Variants in MTA3 observed in about 807,000 individuals in gnomAD.
The protein encoded by MTA3 is metastasis associated 1 family member 3.
Under a neutral mutation model 83.5 loss-of-function variants are expected in MTA3, and 34 were observed. The observed-to-expected ratio is 0.41, with a 90% CI of 0.31 to 0.54. MTA3 has a LOEUF of 0.54. Ranked by LOEUF, MTA3 falls within the 20% of genes least tolerant of loss-of-function variation. The probability of loss-of-function intolerance (pLI) is 0.33; values close to 1 mark genes in which losing one functional copy is unlikely to be tolerated. For synonymous variants in MTA3, 303 were observed against 252.7 expected, an observed-to-expected ratio of 1.20 and a Z score of -1.89; for missense variants, 761 against 726.4, an observed-to-expected ratio of 1.05 and a Z score of -0.55.
intron 3 of MTA3, among the ~76,000 whole-genome samples, chr2:42,604,042 C>G (rs548453744): frequency 1.3e-5 from 2 of 152,184 alleles, no homozygotes; most frequent in African/African-American, 4.8e-5. Context: ...AGCCACCGCA[C>G]CCAGCTCTTT....
intron 3 of MTA3, among the ~76,000 whole-genome samples, chr2:42,604,574 C>T (rs11309136): frequency 0.13 from 2,010 of 14,972 alleles, 60 homozygotes; most frequent in Middle Eastern, 0.29. Context: ...TGTTTCTTTT[C>T]TTTTTTTTTT....
intron 3 of MTA3, among the ~76,000 whole-genome samples, chr2:42,602,411 A>T (rs552706306): frequency 6.6e-6 from 1 of 152,308 alleles, no homozygotes; most frequent in South Asian, 2.1e-4. Context: ...GTAATTACCT[A>T]GGAGAAACAT....
intron 8 of MTA3, among the ~76,000 whole-genome samples, chr2:42,668,336 A>C (rs1247549587): frequency 6.6e-6 from 1 of 152,172 alleles, no homozygotes; most frequent in Non-Finnish European, 1.5e-5. Context: ...AATGTTTGCA[A>C]ACATTGGGCC....
rs775483251 is a variant in MTA3, at chr2:42,704,197, C to T, written c.1029C>T (p.Ser343=). Residue 343 remains serine (S), a synonymous_variant, in exon 12 of 17, where the codon AGC becomes AGT. Coordinates refer to ENST00000405094, the MANE Select transcript of MTA3 (RefSeq NM_001330442.2). The stretch of plus-strand genomic sequence containing the variant: ...CTTATTTTAATTTCATTGAAAGCAG[C>T]AAACCAAATCCCAACCAAATATCCA... ...KLKQVYIPTY[S]KPNPNQISTS... 3.7e-6 allele frequency: 6 copies of T among 1,613,620 alleles called. No individual in the cohort carries two copies. Among genetic ancestry groups the T allele is most frequent in the Non-Finnish European group, 5.1e-6 (6 of 1,179,690 alleles).
intron 2 of MTA3, among the ~76,000 whole-genome samples, chr2:42,562,516 C>T (rs544596346): frequency 5.9e-5 from 9 of 152,240 alleles, no homozygotes; most frequent in Admixed American, 2.0e-4. Context: ...TCTAGCTAGT[C>T]CTAGTGAGAT....
At chr2:42,536,746 C>G (rs1676257509) in intron 2 of MTA3, among the ~76,000 whole-genome samples, 1 of 150,250 alleles carries the variant, frequency 6.7e-6, no homozygotes, top group African/African-American at 2.5e-5. Flanking sequence ...GTAGTCCCAG[C>G]TACTCAGGAG....
chr2:42,494,748 A>T (rs946838531), exon 1 of MTA3: 1 of 152,432 alleles, frequency 6.6e-6, no homozygotes, highest in Non-Finnish European at 1.5e-5. Flanking sequence ...CACCGGCAAA[A>T]ACAGCCTTTC....
chr2:42,565,006 G>A (rs1267239214), upstream of MTA3, among the ~76,000 whole-genome samples: 1 of 152,072 alleles, frequency 6.6e-6, no homozygotes, highest in Non-Finnish European at 1.5e-5. Context: ...TCGAACTCCT[G>A]ACCTCATGAT....
intron 16 of MTA3, among the ~76,000 whole-genome samples, chr2:42,749,541 C>T (rs1228848950): frequency 6.6e-6 from 1 of 152,150 alleles, no homozygotes; most frequent in Non-Finnish European, 1.5e-5. Context: ...GATCTCGGCT[C>T]ACTGCAACCT....
chr2:42,528,191 C>T (rs1055603836), intron 2 of MTA3, among the ~76,000 whole-genome samples: 2 of 151,864 alleles, frequency 1.3e-5, no homozygotes, highest in African/African-American at 2.4e-5. Flanking sequence ...TCCCTAAGTG[C>T]TGGGATTACA....
chr2:42,654,054 C>T (rs537279243), intron 6 of MTA3, among the ~76,000 whole-genome samples: 3 of 152,310 alleles, frequency 2.0e-5, no homozygotes, highest in African/African-American at 7.2e-5. Context: ...TCTTGGCATG[C>T]TAAGAATTGT....
At chr2:42,667,582 G>GTGTGTGTGTGTT (rs1286606367) in intron 8 of MTA3, among the ~76,000 whole-genome samples, 91 of 129,004 alleles carry the variant, frequency 7.1e-4, no homozygotes, top group South Asian at 4.0e-3. Context: ...GTGTGTGTGT[G>GTGTGTGTGTGTT]TGTGTGTGTG....
chr2:42,499,188 A>G (rs1416510607), intron 2 of MTA3, among the ~76,000 whole-genome samples: 2 of 143,666 alleles, frequency 1.4e-5, no homozygotes, highest in East Asian at 4.1e-4. Flanking sequence ...TTTTTTTGAG[A>G]CGGAGTTTCA....
At chr2:42,627,350 G>C (rs1338775200) in intron 4 of MTA3, among the ~76,000 whole-genome samples, 2 of 152,096 alleles carry the variant, frequency 1.3e-5, no homozygotes, top group Non-Finnish European at 2.9e-5. Context: ...ACCACTGCCA[G>C]GCCTGAGCTT....
At chr2:42,671,469 T>C (rs1336734168) in intron 8 of MTA3, among the ~76,000 whole-genome samples, 1 of 152,162 alleles carries the variant, frequency 6.6e-6, no homozygotes, top group Admixed American at 6.6e-5. Flanking sequence ...TGTTTATTTT[T>C]ACTCTTATTT....
At chr2:42,690,916 G>A (rs936963159) in intron 9 of MTA3, among the ~76,000 whole-genome samples, 15 of 144,690 alleles carry the variant, frequency 1.0e-4, no homozygotes, top group African/African-American at 3.9e-4. Context: ...TCACTCTGTT[G>A]CCCAAGCTAG....
rs1553396460 is a variant in MTA3 at position 42,724,277 on chromosome 2, A to AAAACACAC, written c.1759+1243_1759+1244insAACACACA. Among the ~76,000 whole-genome samples the AAAACACAC allele has an allele frequency of 3.1e-4, 23 of 73,178 alleles. 1 individual carries two copies. The highest frequency in any genetic ancestry group is 1.3e-3 in the African/African-American group (21 of 16,448). The allele number at this position is 73,178 out of a possible 152,430, so 48.0% of individuals were successfully genotyped here. The stretch of plus-strand genomic sequence containing the variant: ...AGAAGGTATAAAGTAAGTCCTGAAA[A>AAAACACAC]ACACACACACACACACACACACACA... On this transcript the variant is annotated intron_variant, in intron 16 of 16. Coordinates refer to ENST00000405094, the MANE Select transcript of MTA3 (RefSeq NM_001330442.2).
intron 4 of MTA3, among the ~76,000 whole-genome samples, chr2:42,620,066 C>T (rs1336880008): frequency 1.3e-5 from 2 of 151,428 alleles, no homozygotes; most frequent in South Asian, 2.1e-4. Context: ...GCATTTAGCA[C>T]GTTGACAGTG....
chr2:42,598,775 C>T (rs1326819983), intron 3 of MTA3, among the ~76,000 whole-genome samples: 1 of 152,070 alleles, frequency 6.6e-6, no homozygotes, highest in Non-Finnish European at 1.5e-5. Flanking sequence ...GTTTTTGTAG[C>T]GATTAAATGA....
Sources: allele counts gnomAD v4.1 joint callset (sites outside exome capture counted in the v4.1 genomes callset), GRCh38; gene constraint gnomAD v4.1.1; transcripts MANE v1.5; gene names NCBI Gene and HGNC (gene_info 2026-07-23, HGNC 2026-07-21).